The following SAMD12 variants were observed in gnomAD, a reference collection of about 807,000 sequenced individuals.
SAMD12 encodes the protein sterile alpha motif domain-containing protein 12.
Under a neutral mutation model 15.0 loss-of-function variants are expected in SAMD12, and 9 were observed. The ratio of observed to expected loss-of-function variants is 0.60; its 90% CI spans 0.36 to 1.05. The LOEUF is 1.05. Ranked by LOEUF, SAMD12 falls within the 50% of genes least tolerant of loss-of-function variation. The pLI is 0.01. For missense variants in SAMD12, 230 were observed against 234.2 expected (o/e 0.98, Z 0.12); for synonymous variants, 86 against 90.1 (o/e 0.96, Z 0.25).
intron 2 of SAMD12, among the ~76,000 whole-genome samples, chr8:118,488,150 C>G (rs959830764): frequency 1.3e-5 from 2 of 152,032 alleles, no homozygotes; most frequent in African/African-American, 4.8e-5. Context: ...GAGCCTTACC[C>G]CAAACACGTT....
intron 3 of SAMD12, among the ~76,000 whole-genome samples, chr8:118,402,719 A>AT (rs1167751114): frequency 6.6e-6 from 1 of 152,218 alleles, no homozygotes; most frequent in Admixed American, 6.5e-5. Context: ...TGGCAGAAGG[A>AT]GCCCTGTCTG....
At chr8:118,372,467 T>C (rs1228924287) in intron 4 of SAMD12, among the ~76,000 whole-genome samples, 1 of 151,798 alleles carries the variant, frequency 6.6e-6, no homozygotes, top group Non-Finnish European at 1.5e-5. Context: ...TTCATATGTA[T>C]TAAAGCCAGT....
At chr8:118,584,675 C>T (rs3866487) in intron 1 of SAMD12, among the ~76,000 whole-genome samples, 19,401 of 152,118 alleles carry the variant, frequency 0.13, 1,743 homozygotes, top group African/African-American at 0.26. Context: ...AAACATTGCT[C>T]TTAAAAAAAT....
Position 118,378,433 on chromosome 8 carries a change from A to T in SAMD12, c.*984T>A. 1.0e-6 allele frequency: 1 copy of T among 981,284 alleles called. No homozygotes were observed. Among genetic ancestry groups the T allele is most frequent in the Non-Finnish European group, 1.2e-6 (1 of 826,212 alleles). The allele number at this position is 981,284 out of a possible 1,614,324, so 60.8% of individuals were successfully genotyped here. ...AATTCACCATTGGAAATCTCTGAGG[A>T]CAAAATGCAAATAATGCATATGAGA... On this transcript the variant is annotated 3_prime_UTR_variant, in exon 4 of 4. Transcript: ENST00000314727.
intron 2 of SAMD12, among the ~76,000 whole-genome samples, chr8:118,568,920 C>T (rs187900047): frequency 6.6e-6 from 1 of 152,236 alleles, no homozygotes; most frequent in Admixed American, 6.5e-5. Context: ...ATTACCACTG[C>T]TCTGTAATGC....
intron 1 of SAMD12, among the ~76,000 whole-genome samples, chr8:118,609,390 T>C (rs1314262609): frequency 6.6e-6 from 1 of 152,226 alleles, no homozygotes; most frequent in Non-Finnish European, 1.5e-5. Context: ...TAGTCAAATG[T>C]ACACTGAGAG....
At chr8:118,230,858 C>A (rs554864751) in intron 4 of SAMD12, among the ~76,000 whole-genome samples, 1 of 152,070 alleles carries the variant, frequency 6.6e-6, no homozygotes, top group Non-Finnish European at 1.5e-5. Context: ...GGAACCCAAT[C>A]GAGTGGGCTT....
intron 4 of SAMD12, among the ~76,000 whole-genome samples, chr8:118,370,704 T>C (rs1373647332): frequency 6.6e-6 from 1 of 152,148 alleles, no homozygotes; most frequent in Non-Finnish European, 1.5e-5. Context: ...AAATACTTCA[T>C]GTTCTAATTC....
chr8:118,357,950 T>C (rs1411121808), intron 4 of SAMD12, among the ~76,000 whole-genome samples: 1 of 152,004 alleles, frequency 6.6e-6, no homozygotes, highest in African/African-American at 2.4e-5. Context: ...TTGAGACCAG[T>C]GTGGGCAATG....
At chr8:118,587,459 T>C (rs1396689895) in intron 1 of SAMD12, among the ~76,000 whole-genome samples, 2 of 152,222 alleles carry the variant, frequency 1.3e-5, no homozygotes, top group African/African-American at 4.8e-5. Flanking sequence ...TACTGAAGTA[T>C]GGCTACAACG....
chr8:118,576,205 C>T (rs1254471297), intron 2 of SAMD12, among the ~76,000 whole-genome samples: 1 of 152,174 alleles, frequency 6.6e-6, no homozygotes, highest in East Asian at 1.9e-4. Context: ...CTCCTGGAAA[C>T]ATGGGATAAT....
intron 2 of SAMD12, among the ~76,000 whole-genome samples, chr8:118,526,228 T>C (rs927441704): frequency 6.6e-6 from 1 of 152,200 alleles, no homozygotes; most frequent in Non-Finnish European, 1.5e-5. Context: ...TTTACATTTA[T>C]GGAACTCAAG....
intron 1 of SAMD12, among the ~76,000 whole-genome samples, chr8:118,586,818 T>C (rs1827460248): frequency 6.6e-6 from 1 of 152,210 alleles, no homozygotes; most frequent in Non-Finnish European, 1.5e-5. Flanking sequence ...TGCTCAATCA[T>C]TGTTTATAGA....
intron 4 of SAMD12, among the ~76,000 whole-genome samples, chr8:118,340,114 A>T (rs1040530208): frequency 6.6e-6 from 1 of 152,254 alleles, no homozygotes; most frequent in African/African-American, 2.4e-5. Context: ...AGGCTTCAAC[A>T]AAGAAGTAGA....
At chr8:118,140,336 A>C in the SAMD12 span, among the ~76,000 whole-genome samples, 23 of 152,060 alleles carry the variant, frequency 1.5e-4, 1 homozygote, top group South Asian at 4.6e-3. Context: ...GAGTGGCATG[A>C]TCACAGCTCA....
the SAMD12 span, among the ~76,000 whole-genome samples, chr8:118,181,060 T>G: frequency 1.3e-5 from 2 of 152,204 alleles, no homozygotes; most frequent in African/African-American, 4.8e-5. Context: ...AAATTTTTTT[T>G]TTTGTTTTAG....
At chr8:118,586,473 G>C (rs1388104642) in intron 1 of SAMD12, among the ~76,000 whole-genome samples, 1 of 151,434 alleles carries the variant, frequency 6.6e-6, no homozygotes, top group African/African-American at 2.4e-5. Flanking sequence ...CACCCAAGTA[G>C]CTGTGACTAC....
intron 2 of SAMD12, among the ~76,000 whole-genome samples, chr8:118,533,189 G>C (rs1254682099): frequency 6.6e-6 from 1 of 152,056 alleles, no homozygotes; most frequent in Admixed American, 6.5e-5. Context: ...CCTTCATTTC[G>C]TTAATGTACC....
intron 3 of SAMD12, among the ~76,000 whole-genome samples, chr8:118,415,989 T>TC (rs903188471): frequency 1.3e-5 from 2 of 152,176 alleles, no homozygotes; most frequent in Non-Finnish European, 2.9e-5. Context: ...AGCGTGGCTT[T>TC]CCCCCTTTTT....
Sources: allele counts gnomAD v4.1 joint callset (sites outside exome capture counted in the v4.1 genomes callset), GRCh38; gene constraint gnomAD v4.1.1; transcripts MANE v1.5; gene names NCBI Gene and HGNC (gene_info 2026-07-23, HGNC 2026-07-21).